The following SUCLG2 variants were observed in gnomAD, a reference collection of about 807,000 sequenced individuals.
SUCLG2 encodes the protein succinate-CoA ligase GDP-forming subunit beta, also known as succinate--CoA ligase [GDP-forming] subunit beta, mitochondrial.
In SUCLG2, 42 loss-of-function variants were observed where a neutral mutation model predicts 47.9. That is an observed-to-expected ratio of 0.88 (90% CI 0.69 to 1.14). The LOEUF (loss-of-function observed/expected upper bound fraction) is 1.14, where lower values mean the gene tolerates loss of function less well. Among genes scored for constraint, SUCLG2 ranks in the 50% most tolerant of loss-of-function variants. SUCLG2 has a pLI of 0.00. For missense variants in SUCLG2, 571 were observed against 525.9 expected, an observed-to-expected ratio of 1.09 and a Z score of -0.84; for synonymous variants, 195 against 197.3, an observed-to-expected ratio of 0.99 and a Z score of 0.10.
intron 3 of SUCLG2, 51 bp downstream of exon 3, chr3:67,529,036 C>G: frequency 6.6e-7 from 1 of 1,508,742 alleles, no homozygotes; most frequent in Non-Finnish European, 9.1e-7. Context: ...TGAGCAAGAT[C>G]TTCCATAACT....
At chr3:67,512,597 C>G (rs762907850) in intron 6 of SUCLG2, among the ~76,000 whole-genome samples, 1 of 151,004 alleles carries the variant, frequency 6.6e-6, no homozygotes, top group African/African-American at 2.5e-5. Flanking sequence ...TCTAATCCAG[C>G]TACTTCAAAA....
intron 2 of SUCLG2, among the ~76,000 whole-genome samples, chr3:67,537,403 C>A (rs1706573895): frequency 6.6e-6 from 1 of 152,176 alleles, no homozygotes; most frequent in Non-Finnish European, 1.5e-5. Context: ...ATGAACTCAT[C>A]CTTTTTTATG....
At chr3:67,577,603 T>C (rs1004983717) in intron 2 of SUCLG2, among the ~76,000 whole-genome samples, 3 of 152,236 alleles carry the variant, frequency 2.0e-5, no homozygotes, top group Non-Finnish European at 4.4e-5. Context: ...CATTTCAACC[T>C]GTGGAGACCT....
At chr3:67,528,322 A>G in intron 3 of SUCLG2, 100 bp from the exon 4 acceptor site, 3 of 1,033,546 alleles carry the variant, frequency 2.9e-6, no homozygotes, top group Admixed American at 4.2e-5. Context: ...CAAAGGGTTC[A>G]CCTTCACCCT....
At chr3:67,390,823 G>A (rs1702363830) in intron 10 of SUCLG2, among the ~76,000 whole-genome samples, 1 of 152,000 alleles carries the variant, frequency 6.6e-6, no homozygotes, top group Non-Finnish European at 1.5e-5. Context: ...TGTTTTGAGT[G>A]GTTTTACAGT....
chr3:67,409,736 G>T (rs1369568048), intron 9 of SUCLG2, among the ~76,000 whole-genome samples: 2 of 151,708 alleles, frequency 1.3e-5, no homozygotes, highest in African/African-American at 4.8e-5. Context: ...TAACCACCAA[G>T]AATATATTAA....
chr3:67,489,410 A>G (rs571840396), intron 9 of SUCLG2, among the ~76,000 whole-genome samples: 1 of 152,286 alleles, frequency 6.6e-6, no homozygotes, highest in South Asian at 2.1e-4. Context: ...TTCTAAGTGG[A>G]AGTGGAGACT....
intron 2 of SUCLG2, among the ~76,000 whole-genome samples, chr3:67,546,706 G>C (rs1706872008): frequency 6.6e-6 from 1 of 152,202 alleles, no homozygotes; most frequent in African/African-American, 2.4e-5. Flanking sequence ...CTGCACTCCA[G>C]CCTGGGCCAC....
chr3:67,449,752 T>G (rs1185607609), intron 9 of SUCLG2, among the ~76,000 whole-genome samples: 1 of 151,980 alleles, frequency 6.6e-6, no homozygotes, highest in African/African-American at 2.4e-5. Context: ...TAGCTGGGAC[T>G]ACAGGTGTGT....
chr3:67,611,861 T>C (rs1172813839), intron 1 of SUCLG2, among the ~76,000 whole-genome samples: 1 of 152,180 alleles, frequency 6.6e-6, no homozygotes, highest in East Asian at 1.9e-4. Context: ...CTGACTCAAA[T>C]GAAAGCCAGC....
intron 2 of SUCLG2, among the ~76,000 whole-genome samples, chr3:67,545,350 T>C (rs1706836541): frequency 7.9e-5 from 12 of 152,196 alleles, no homozygotes; most frequent in Admixed American, 7.9e-4. Context: ...AAGCCAGGAA[T>C]GACCTACCCC....
chr3:67,611,662 A>G (rs1700529046), intron 1 of SUCLG2, among the ~76,000 whole-genome samples: 1 of 152,242 alleles, frequency 6.6e-6, no homozygotes, highest in Non-Finnish European at 1.5e-5. Context: ...AAAGAAAGAA[A>G]AAATATAGTT....
At chr3:67,428,644 A>G (rs1347101501) in intron 9 of SUCLG2, among the ~76,000 whole-genome samples, 3 of 152,200 alleles carry the variant, frequency 2.0e-5, no homozygotes, top group Non-Finnish European at 4.4e-5. Context: ...GGTAATAACA[A>G]ACTTCTCCAA....
intron 1 of SUCLG2, among the ~76,000 whole-genome samples, chr3:67,647,694 G>A (rs1221863776): frequency 6.6e-6 from 1 of 152,168 alleles, no homozygotes; most frequent in Non-Finnish European, 1.5e-5. Context: ...TAACCAGGAT[G>A]GTACAATTAA....
At chr3:67,491,092 C>A (rs1012053970) in intron 9 of SUCLG2, among the ~76,000 whole-genome samples, 8 of 151,970 alleles carry the variant, frequency 5.3e-5, no homozygotes, top group African/African-American at 9.7e-5. Flanking sequence ...GAGGCCCAGG[C>A]GGGAGGACCC....
At chr3:67,652,272 G>C (rs1321801336) in intron 1 of SUCLG2, among the ~76,000 whole-genome samples, 3 of 152,118 alleles carry the variant, frequency 2.0e-5, no homozygotes, top group African/African-American at 7.2e-5. Flanking sequence ...ATCTTTGAGA[G>C]ACCAGTTAAA....
intron 2 of SUCLG2, among the ~76,000 whole-genome samples, chr3:67,530,485 C>T (rs1001844358): frequency 6.6e-6 from 1 of 152,172 alleles, no homozygotes; most frequent in Non-Finnish European, 1.5e-5. Flanking sequence ...CTATTACTGT[C>T]ACTGTCATCA....
rs149084232 is a variant in SUCLG2, at chr3:67,517,639, T to A, written c.660+608A>T. ...AACAGCTCTGAGGCCAATGTTTTGG[T>A]CTTTGAAGCCAAGGGATATTATTAC... On this transcript the variant is annotated intron_variant, in intron 6 of 10. Coordinates refer to ENST00000307227, the MANE Select transcript of SUCLG2 (RefSeq NM_003848.4). 4.6e-5 allele frequency among the ~76,000 whole-genome samples: 7 copies of A among 152,308 alleles called. No individual in the cohort carries two copies. In the East Asian group the frequency reaches 1.3e-3, roughly 29 times the overall value.
intron 1 of SUCLG2, among the ~76,000 whole-genome samples, chr3:67,627,398 A>C (rs1311057443): frequency 6.6e-6 from 1 of 152,200 alleles, no homozygotes; most frequent in Non-Finnish European, 1.5e-5. Context: ...TTTTACTTGG[A>C]TATTTCACAA....
Sources: gnomAD v4.1 joint callset for allele counts (sites outside exome capture counted in the v4.1 genomes callset) on GRCh38, gnomAD v4.1.1 for gene constraint, MANE v1.5 for transcripts, NCBI Gene and HGNC (gene_info 2026-07-23, HGNC 2026-07-21) for gene names.